Variants in PDE4DIP observed in about 807,000 individuals in gnomAD.
PDE4DIP encodes phosphodiesterase 4D interacting protein.
Under a neutral mutation model 221.4 loss-of-function variants are expected in PDE4DIP, and 59 were observed. The observed-to-expected ratio is 0.27, with a 90% CI of 0.22 to 0.33. The LOEUF (loss-of-function observed/expected upper bound fraction) is 0.33, where lower values mean the gene tolerates loss of function less well. Ranked by LOEUF, PDE4DIP falls within the 10% of genes least tolerant of loss-of-function variation. The pLI is 1.00. For missense variants in PDE4DIP, 1,036 were observed against 2,154.2 expected, an observed-to-expected ratio of 0.48 and a Z score of 10.28; for synonymous variants, 404 against 815.9, an observed-to-expected ratio of 0.50 and a Z score of 8.60.
chr1:148,951,621 A>G (rs1313325135), intron 5 of PDE4DIP, among the ~76,000 whole-genome samples: 1 of 151,646 alleles, frequency 6.6e-6, no homozygotes, highest in African/African-American at 2.4e-5. Flanking sequence ...AGGGAAAGGG[A>G]CTTCAATGGT....
At chr1:148,963,734 CT>C (rs2057497796) in intron 9 of PDE4DIP, among the ~76,000 whole-genome samples, 1 of 147,188 alleles carries the variant, frequency 6.8e-6, no homozygotes, top group South Asian at 2.2e-4. Context: ...TCTTTCCTCT[CT>C]CTTTCTTTCC....
chr1:149,025,361 T>A (rs1161569464), intron 38 of PDE4DIP, among the ~76,000 whole-genome samples: 3 of 151,570 alleles, frequency 2.0e-5, no homozygotes, highest in African/African-American at 7.3e-5. Context: ...CAGTGTATGG[T>A]AAAATGTTCC....
At chr1:148,926,816 T>C (rs1553466065) in intron 1 of PDE4DIP, among the ~76,000 whole-genome samples, 1 of 150,356 alleles carries the variant, frequency 6.7e-6, no homozygotes, top group Admixed American at 6.6e-5. Context: ...GCTGGGGACA[T>C]AGCAACTGTT....
chr1:149,013,781 C>CTTTTTTT lies in PDE4DIP; in HGVS notation c.5266+1023_5266+1029dup, dbSNP rs71582768. 1.6e-4 allele frequency among the ~76,000 whole-genome samples: 5 copies of CTTTTTTT among 31,942 alleles called. 1 individual carries two copies. The highest frequency in any genetic ancestry group is 2.0e-4 in the Non-Finnish European group (4 of 19,612). 21.0% of individuals were successfully genotyped at this position (31,942 alleles called of 152,430 possible). ...CCAGCATATTTCTTTCCTTCTTCCT[C>CTTTTTTT]TTTTTTTTTTTTTTTTTTTTTTTTG... On this transcript the variant is annotated intron_variant, in intron 32 of 43. Transcript: ENST00000369354.
chr1:148,951,776 C>T (rs754141118), intron 5 of PDE4DIP, among the ~76,000 whole-genome samples: 11 of 152,304 alleles, frequency 7.2e-5, no homozygotes, highest in Non-Finnish European at 1.6e-4. Flanking sequence ...TAAAGAAGGG[C>T]AAGTCACCCA....
chr1:148,970,066 T>G (rs1170709195), intron 14 of PDE4DIP, among the ~76,000 whole-genome samples: 2 of 151,878 alleles, frequency 1.3e-5, no homozygotes, highest in African/African-American at 4.8e-5. Context: ...CTAAAAACTC[T>G]TAGTTGACTT....
chr1:148,956,488 C>T (rs1187827709), intron 5 of PDE4DIP, among the ~76,000 whole-genome samples: 17 of 152,020 alleles, frequency 1.1e-4, no homozygotes, highest in Non-Finnish European at 2.2e-4. Flanking sequence ...AATTTATTTC[C>T]CTTCTACAGA....
chr1:149,020,245 A>T (rs782618915), exon 36 of PDE4DIP: 5 of 523,010 alleles, frequency 9.6e-6, no homozygotes, highest in Non-Finnish European at 1.3e-5. Context: ...GAAGGTGGAA[A>T]GGCAGCAGCT....
chr1:149,009,625 G>T (rs1553602897), exon 30 of PDE4DIP: 1 of 1,613,920 alleles, frequency 6.2e-7, no homozygotes. Context: ...AGGCCAAGCT[G>T]GATGCTCGGT....
chr1:148,962,413 CT>C lies in PDE4DIP; in HGVS notation c.982-14del. On this transcript the variant is annotated splice_polypyrimidine_tract_variant and intron_variant, in intron 8 of 43. Transcript: ENST00000369354. ...CTTGCCCTCCTTGTGATTGTGATTT[CT>C]ACTCTCTTTTCAGAGCTCAGAGGGT... 1 of 918,900 alleles carries C rather than the reference CT, an allele frequency of 1.1e-6. No individual in the cohort carries two copies. Among genetic ancestry groups the C allele is most frequent in the African/African-American group, 1.7e-5 (1 of 60,388 alleles). The allele number at this position is 918,900 out of a possible 1,614,324, so 56.9% of individuals were successfully genotyped here.
chr1:148,994,509 A>T (rs1553562989), intron 22 of PDE4DIP, among the ~76,000 whole-genome samples: 1 of 150,568 alleles, frequency 6.6e-6, no homozygotes, highest in East Asian at 2.0e-4. Flanking sequence ...GATAAACTTG[A>T]AAAAAGCTAT....
exon 30 of PDE4DIP, chr1:149,009,756 A>T: frequency 5.0e-6 from 8 of 1,612,676 alleles, no homozygotes; most frequent in Non-Finnish European, 5.9e-6. Context: ...GAGTACACAC[A>T]CTATGAAGAG....
Position 149,013,781 on chromosome 1 carries a change from C to CTTTTT in PDE4DIP, c.5266+1025_5266+1029dup, listed in dbSNP as rs71582768. On this transcript the variant is annotated intron_variant, in intron 32 of 43. Coordinates refer to ENST00000369354, the Ensembl canonical transcript of PDE4DIP. ...CCAGCATATTTCTTTCCTTCTTCCTCTTTTTTTTTTTTTTTTTTTTTTTTG... is the reference window on the plus strand; with the variant it reads ...CCAGCATATTTCTTTCCTTCTTCCTCTTTTTTTTTTTTTTTTTTTTTTTTTTTTTG... Among the ~76,000 whole-genome samples, 189 of 31,938 alleles carry CTTTTT rather than the reference C, an allele frequency of 5.9e-3. 28 individuals carry two copies. Among genetic ancestry groups the CTTTTT allele is most frequent in the African/African-American group, 8.7e-3 (56 of 6,410 alleles). The allele number at this position is 31,938 out of a possible 152,430, so 21.0% of individuals were successfully genotyped here. A position where few individuals can be genotyped will look rare whatever the true frequency, so the allele number is the denominator to read the frequency against.
chr1:148,820,557 A>T (rs1463497098), intron 1 of PDE4DIP, among the ~76,000 whole-genome samples: 9 of 102,982 alleles, frequency 8.7e-5, no homozygotes, highest in Non-Finnish European at 1.5e-4. Context: ...CTCCATCTCA[A>T]AAAAAAAAAA....
rs587750360 is a variant in PDE4DIP at position 148,923,777 on chromosome 1, G to A, written c.142-5420G>A. 2.9e-3 allele frequency among the ~76,000 whole-genome samples: 420 copies of A among 146,226 alleles called. 61 individuals carry two copies. The highest frequency in any genetic ancestry group is 0.01 in the African/African-American group (392 of 38,214). On this transcript the variant is annotated intron_variant, in intron 1 of 43. Coordinates refer to ENST00000369354, the Ensembl canonical transcript of PDE4DIP. ...CGTGAGCCACCGCGCCCGAGCTGCG[G>A]TTATTTGTATCAGACATTGTGCTGG... is the stretch of plus-strand genomic sequence containing the variant.
intron 19 of PDE4DIP, 21 bp downstream of exon 22, chr1:148,978,436 C>A (rs1553539690): frequency 6.8e-7 from 1 of 1,467,720 alleles, no homozygotes; most frequent in Non-Finnish European, 9.3e-7. Context: ...GGAATATAAA[C>A]CTTATTTATT....
chr1:148,975,416 A>G (rs1553536663), intron 17 of PDE4DIP, among the ~76,000 whole-genome samples: 5 of 148,814 alleles, frequency 3.4e-5, no homozygotes. Context: ...ATTATTATAG[A>G]CGAAGAAGCT....
chr1:148,979,212 T>C (rs1218779774), intron 19 of PDE4DIP, among the ~76,000 whole-genome samples: 1 of 152,226 alleles, frequency 6.6e-6, no homozygotes, highest in Non-Finnish European at 1.5e-5. Context: ...TTCTGGCTTT[T>C]AACTGTACCT....
chr1:148,948,605 T>G (rs587642097), intron 5 of PDE4DIP, among the ~76,000 whole-genome samples: 1 of 152,152 alleles, frequency 6.6e-6, no homozygotes, highest in Admixed American at 6.6e-5. Context: ...GCGGGTGACT[T>G]TCTACCAAAG....
Sources: allele counts gnomAD v4.1 joint callset (sites outside exome capture counted in the v4.1 genomes callset), GRCh38; gene constraint gnomAD v4.1.1; transcripts MANE v1.5; gene names NCBI Gene and HGNC (gene_info 2026-07-23, HGNC 2026-07-21).